Variants in SLCO5A1 observed in about 807,000 individuals in gnomAD.
SLCO5A1 encodes organic anion transporter polypeptide-related protein 4.
A neutral mutation model predicts 65.1 loss-of-function variants in SLCO5A1; 39 were observed. That is an observed-to-expected ratio of 0.60 (90% CI 0.46 to 0.78). SLCO5A1 has a LOEUF of 0.78. Among genes scored for constraint, SLCO5A1 ranks in the 30% least tolerant of loss-of-function variants. The pLI, the probability that SLCO5A1 is intolerant of heterozygous loss-of-function variation, is 0.00. For synonymous variants in SLCO5A1, 438 were observed against 415.7 expected, an observed-to-expected ratio of 1.05 and a Z score of -0.65; for missense variants, 1,029 against 1,069.4, an observed-to-expected ratio of 0.96 and a Z score of 0.53.
chr8:69,701,883 CAT>C (rs371880187), intron 6 of SLCO5A1, among the ~76,000 whole-genome samples: 11 of 152,160 alleles, frequency 7.2e-5, no homozygotes, highest in Admixed American at 2.0e-4. Flanking sequence ...TGACAATACA[CAT>C]GTCATAAATT....
chr8:69,672,864 A>C lies in SLCO5A1; in HGVS notation c.*5T>G, dbSNP rs1294480985. 6.3e-7 allele frequency: 1 copy of C among 1,580,774 alleles called. No individual in the cohort carries two copies. Among genetic ancestry groups the C allele is most frequent in the South Asian group, 1.1e-5 (1 of 87,920 alleles). On this transcript the variant is annotated 3_prime_UTR_variant, in exon 10 of 10. Transcript: ENST00000260126. ...AACAAAACTAAATTCTTCCATTTTC[A>C]AGCTTCAGGAGGGCGGCTCCAAGGC...
chr8:69,814,410 A>C (rs1031311898), intron 2 of SLCO5A1, among the ~76,000 whole-genome samples: 1 of 152,218 alleles, frequency 6.6e-6, no homozygotes, highest in Admixed American at 6.5e-5. Context: ...ACCACCAGAC[A>C]TGAAAAGAAT....
At chr8:69,781,739 C>A (rs1184693276) in intron 2 of SLCO5A1, among the ~76,000 whole-genome samples, 2 of 152,038 alleles carry the variant, frequency 1.3e-5, no homozygotes, top group Non-Finnish European at 2.9e-5. Context: ...CTCATCACAA[C>A]CTCCACCTCC....
At chr8:69,759,209 A>G (rs1288957948) in intron 3 of SLCO5A1, among the ~76,000 whole-genome samples, 9 of 152,220 alleles carry the variant, frequency 5.9e-5, no homozygotes, top group African/African-American at 2.2e-4. Context: ...ATCGTATAAA[A>G]TAACATTGCA....
Position 69,672,935 on chromosome 8 carries a change from T to G in SLCO5A1, c.2481A>C (p.Glu827Asp). ...AAQTYPGPFP[E>D]AISSSADPGL... ...CCGGGTCCGCAGAGGAACTTATTGC[T>G]TCTGGGAAGGGCCCCGGGTAGGTCT... The change falls in exon 10 of 10, where the codon GAA becomes GAC. Residue 827 changes from glutamate (E) to aspartate (D), a missense_variant. Glu to Asp is a conservative substitution (Grantham distance 45). Transcript: ENST00000260126. The G allele has an allele frequency of 6.2e-7, 1 of 1,614,228 alleles. No individual in the cohort carries two copies. The highest frequency in any genetic ancestry group is 8.5e-7 in the Non-Finnish European group (1 of 1,180,030).
intron 2 of SLCO5A1, chr8:69,794,467 T>G: frequency 4.6e-6 from 2 of 433,064 alleles, no homozygotes; most frequent in South Asian, 3.9e-5. Flanking sequence ...GGAAGAGTAT[T>G]GAACCAATTC....
intron 2 of SLCO5A1, among the ~76,000 whole-genome samples, chr8:69,805,402 C>T (rs773576831): frequency 6.6e-6 from 1 of 152,120 alleles, no homozygotes; most frequent in Non-Finnish European, 1.5e-5. Flanking sequence ...AAATAGGCTT[C>T]GGTAGAACCT....
At chr8:69,799,715 G>A (rs553200592) in intron 2 of SLCO5A1, among the ~76,000 whole-genome samples, 1 of 152,160 alleles carries the variant, frequency 6.6e-6, no homozygotes. Flanking sequence ...AGCGAAGAGA[G>A]GTACTGAGCA....
In SLCO5A1 at chr8:69,832,614, A is replaced by G. The variant is rs752838665; in HGVS notation, c.60T>C (p.Thr20=). The G allele has an allele frequency of 2.8e-5, 45 of 1,610,936 alleles. No homozygotes were observed. Among genetic ancestry groups the G allele is most frequent in the African/African-American group, 9.3e-5 (7 of 74,950 alleles). The change falls in exon 2 of 10, where the codon ACT becomes ACC. Residue 20 remains threonine (T), a synonymous_variant. Coordinates refer to ENST00000260126, the MANE Select transcript of SLCO5A1 (RefSeq NM_030958.3). The surrounding 1 kb of genome is among the most constrained non-coding windows in gnomAD (Gnocchi z 4.5). ...GAGEQLEAPA[T]AEAVQERCEP... The stretch of plus-strand genomic sequence containing the variant: ...CGCACCTCTCTTGGACAGCTTCTGC[A>G]GTGGCCGGCGCCTCCAGCTGCTCTC...
intron 2 of SLCO5A1, among the ~76,000 whole-genome samples, chr8:69,764,080 G>C (rs1817938064): frequency 6.6e-6 from 1 of 152,158 alleles, no homozygotes; most frequent in African/African-American, 2.4e-5. Flanking sequence ...GGCCATACTG[G>C]TCGCGAACTC....
At chr8:69,818,386 G>T (rs1586832312) in intron 2 of SLCO5A1, among the ~76,000 whole-genome samples, 2 of 152,290 alleles carry the variant, frequency 1.3e-5, no homozygotes, top group South Asian at 4.1e-4. Flanking sequence ...GAGCATATTA[G>T]AAACACAAAC....
In SLCO5A1 at chr8:69,738,050, G is replaced by C; in HGVS notation, c.1413C>G (p.Ser471Arg). The change falls in exon 5 of 10, where the codon AGC becomes AGG. Residue 471 changes from serine to arginine, a missense_variant. Ser to Arg is a moderately radical substitution (Grantham distance 110). Coordinates refer to ENST00000260126, the MANE Select transcript of SLCO5A1 (RefSeq NM_030958.3). ...GCGGCAGTGCCTTACCAGTGTAGATGCTGGCATTGGAGGCTGGGATACCAA... is the reference window on the plus strand; with the variant it reads ...GCGGCAGTGCCTTACCAGTGTAGATCCTGGCATTGGAGGCTGGGATACCAA... ...SQFGIPASNASIYTGVIIVPS... is the reference protein window; with the variant it reads ...SQFGIPASNARIYTGVIIVPS... The C allele has an allele frequency of 6.2e-7, 1 of 1,609,492 alleles. No homozygotes were observed. Among genetic ancestry groups the C allele is most frequent in the Non-Finnish European group, 8.5e-7 (1 of 1,177,660 alleles).
At chr8:69,811,546 C>T (rs1820205593) in intron 2 of SLCO5A1, among the ~76,000 whole-genome samples, 1 of 152,104 alleles carries the variant, frequency 6.6e-6, no homozygotes. Context: ...TTTCTTATGC[C>T]TCTTGGCTCA....
intron 2 of SLCO5A1, among the ~76,000 whole-genome samples, chr8:69,801,160 C>T (rs138865223): frequency 2.6e-5 from 4 of 152,348 alleles, no homozygotes; most frequent in African/African-American, 7.2e-5. Context: ...ACACAGCTCA[C>T]ATCCTAAGTC....
intron 4 of SLCO5A1, among the ~76,000 whole-genome samples, chr8:69,748,203 C>T (rs1024650517): frequency 9.9e-5 from 15 of 152,154 alleles, no homozygotes; most frequent in Admixed American, 2.0e-4. Flanking sequence ...CACTTGCCTA[C>T]GACAAGGGGG....
At chr8:69,800,374 C>T (rs1057490382) in intron 2 of SLCO5A1, among the ~76,000 whole-genome samples, 1 of 151,550 alleles carries the variant, frequency 6.6e-6, no homozygotes, top group Admixed American at 6.6e-5. Context: ...AAGAGGCCTG[C>T]CCAAACTAGC....
At chr8:69,763,139 G>A (rs939239238) in intron 2 of SLCO5A1, among the ~76,000 whole-genome samples, 10 of 148,148 alleles carry the variant, frequency 6.8e-5, no homozygotes, top group South Asian at 2.2e-4. Context: ...GTGAAACCTC[G>A]TCTCTACTAA....
intron 2 of SLCO5A1, among the ~76,000 whole-genome samples, chr8:69,789,717 G>C (rs1488578718): frequency 1.3e-5 from 2 of 152,034 alleles, no homozygotes; most frequent in Non-Finnish European, 2.9e-5. Flanking sequence ...AACTATCTGA[G>C]ATGATAGATA....
intron 2 of SLCO5A1, among the ~76,000 whole-genome samples, chr8:69,782,227 T>A (rs1818829778): frequency 6.6e-6 from 1 of 151,582 alleles, no homozygotes; most frequent in South Asian, 2.1e-4. Context: ...GAACTTAAAG[T>A]ATAATAAATA....
Sources: allele counts gnomAD v4.1 joint callset (sites outside exome capture counted in the v4.1 genomes callset), GRCh38; gene constraint gnomAD v4.1.1; non-coding constraint Gnocchi (gnomAD v3.1); transcripts MANE v1.5; gene names NCBI Gene and HGNC (gene_info 2026-07-23, HGNC 2026-07-21).